The following TGFBR3 variants were observed in gnomAD, a reference collection of about 807,000 sequenced individuals.
TGFBR3 encodes transforming growth factor beta receptor 3.
A neutral mutation model predicts 87.9 loss-of-function variants in TGFBR3; 46 were observed. That is an observed-to-expected ratio of 0.52 (90% CI 0.41 to 0.67). TGFBR3 has a LOEUF of 0.67. TGFBR3 is among the 30% of genes least tolerant of loss of function. The pLI is 0.00. For synonymous variants in TGFBR3, 381 were observed against 391.6 expected (o/e 0.97, Z 0.32); for missense variants, 866 against 1,041.9 (o/e 0.83, Z 2.32).
intron 3 of TGFBR3, among the ~76,000 whole-genome samples, chr1:91,785,828 C>T (rs974652813): frequency 4.0e-5 from 6 of 149,932 alleles, no homozygotes; most frequent in Non-Finnish European, 3.0e-5. Flanking sequence ...AGTGCAGTGG[C>T]GCGATCGTGG....
chr1:91,751,570 C>A (rs1046499594), intron 4 of TGFBR3, among the ~76,000 whole-genome samples: 1 of 151,910 alleles, frequency 6.6e-6, no homozygotes, highest in African/African-American at 2.4e-5. Flanking sequence ...AACTCCAGTG[C>A]AGACCAGAGA....
rs190136937 is a variant in TGFBR3 at position 91,698,964 on chromosome 1, T to C, written c.2288-834A>G. ...CCACCACTACCCTCCCCCCAATTAT[T>C]TCCTCCTCCACATTTGCCCCCAGAG... On this transcript the variant is annotated intron_variant, in intron 14 of 16. Transcript: ENST00000212355. Among the ~76,000 whole-genome samples the C allele has an allele frequency of 4.4e-3, 655 of 149,674 alleles. 4 individuals are homozygous for C. The highest frequency in any genetic ancestry group is 0.016 in the South Asian group (73 of 4,564).
At chr1:91,774,427 C>T (rs890463551) in intron 3 of TGFBR3, among the ~76,000 whole-genome samples, 2 of 152,190 alleles carry the variant, frequency 1.3e-5, no homozygotes, top group Middle Eastern at 3.4e-3. Flanking sequence ...TAAGCCACTG[C>T]GCCCGGCCTA....
intron 4 of TGFBR3, among the ~76,000 whole-genome samples, chr1:91,737,718 C>T (rs189431454): frequency 2.6e-5 from 4 of 152,268 alleles, no homozygotes; most frequent in East Asian, 3.9e-4. Flanking sequence ...CACATGTTTG[C>T]TTTTTCAGGG....
intron 4 of TGFBR3, among the ~76,000 whole-genome samples, chr1:91,752,596 G>C (rs1673585781): frequency 6.6e-6 from 1 of 152,118 alleles, no homozygotes; most frequent in South Asian, 2.1e-4. Flanking sequence ...TCTGGACTAG[G>C]TATTTTAGGT....
At position 91,712,546 on chromosome 1, in the gene TGFBR3, T is replaced by C. The variant is rs369397406; in HGVS notation, c.1867-4A>G. On this transcript the variant is annotated splice_region_variant and splice_polypyrimidine_tract_variant and intron_variant, in intron 12 of 16. Coordinates refer to ENST00000212355, the MANE Select transcript of TGFBR3 (RefSeq NM_003243.5). ...GTTCAGCCTTAGTAACAGATACCTA[T>C]GAAAGAACAGAAAGATGAATTAGGA... 100 of 1,613,922 alleles carry C rather than the reference T, an allele frequency of 6.2e-5. 1 individual carries two copies. Among genetic ancestry groups the C allele is most frequent in the East Asian group, 4.5e-5 (2 of 44,866 alleles).
At chr1:91,891,152 G>A (rs1217393651) in intron 2 of TGFBR3, among the ~76,000 whole-genome samples, 1 of 151,040 alleles carries the variant, frequency 6.6e-6, no homozygotes, top group Non-Finnish European at 1.5e-5. Context: ...GCCTCCCAAA[G>A]TGCTGGGATT....
At chr1:91,830,927 A>C (rs1676839855) in intron 2 of TGFBR3, among the ~76,000 whole-genome samples, 1 of 152,040 alleles carries the variant, frequency 6.6e-6, no homozygotes, top group African/African-American at 2.4e-5. Flanking sequence ...AACGGCTCTC[A>C]CCACCCCCAT....
intron 4 of TGFBR3, among the ~76,000 whole-genome samples, chr1:91,738,578 T>G (rs1673044082): frequency 6.6e-6 from 1 of 152,192 alleles, no homozygotes; most frequent in African/African-American, 2.4e-5. Context: ...TTCATCTTCC[T>G]CCATAAGTAA....
chr1:91,781,714 T>TA (rs147780379), intron 3 of TGFBR3, among the ~76,000 whole-genome samples: 1,695 of 149,312 alleles, frequency 0.011, 27 homozygotes, highest in African/African-American at 0.035. Flanking sequence ...AAAACACATT[T>TA]AAAAAAAAAA....
chr1:91,691,815 C>T (rs1671275019), intron 16 of TGFBR3, among the ~76,000 whole-genome samples: 1 of 152,088 alleles, frequency 6.6e-6, no homozygotes, highest in Non-Finnish European at 1.5e-5. Context: ...CCATATGTCT[C>T]AATGTATTAA....
rs1679479096 is a variant in TGFBR3 at position 91,892,900 on chromosome 1, C to G, written c.-114+6737G>C. Among the ~76,000 whole-genome samples the G allele has an allele frequency of 2.0e-5, 3 of 152,288 alleles. No homozygotes were observed. In the South Asian group the frequency reaches 6.2e-4, roughly 32 times the overall value. On this transcript the variant is annotated intron_variant, in intron 2 of 17. Transcript: ENST00000370399. ...AGTTCACAATACTTGCAAATATTAACCAAGGTAGCTTCAGGGAAATGCTTT... is the reference window on the plus strand; with the variant it reads ...AGTTCACAATACTTGCAAATATTAAGCAAGGTAGCTTCAGGGAAATGCTTT...
intron 2 of TGFBR3, among the ~76,000 whole-genome samples, chr1:91,846,540 T>C (rs1677505984): frequency 6.6e-6 from 1 of 152,146 alleles, no homozygotes; most frequent in Non-Finnish European, 1.5e-5. Context: ...ACTCTCAAAT[T>C]ATATAACTAT....
intron 14 of TGFBR3, among the ~76,000 whole-genome samples, chr1:91,700,634 T>G (rs1671586382): frequency 6.6e-6 from 1 of 152,162 alleles, no homozygotes; most frequent in African/African-American, 2.4e-5. Context: ...TAAAAATGAT[T>G]GTATGTTTTT....
At chr1:91,784,717 G>T (rs903014834) in intron 3 of TGFBR3, among the ~76,000 whole-genome samples, 1 of 152,146 alleles carries the variant, frequency 6.6e-6, no homozygotes, top group Non-Finnish European at 1.5e-5. Flanking sequence ...TGGGGCAAGG[G>T]GTTTAGCTGG....
intron 12 of TGFBR3, among the ~76,000 whole-genome samples, chr1:91,713,669 G>A (rs1282649477): frequency 6.6e-6 from 1 of 152,174 alleles, no homozygotes; most frequent in Admixed American, 6.5e-5. Flanking sequence ...TTCCTACGTG[G>A]TGGTTAACTG....
chr1:91,739,412 T>G (rs141732951), intron 4 of TGFBR3, among the ~76,000 whole-genome samples: 106 of 152,346 alleles, frequency 7.0e-4, no homozygotes, highest in Admixed American at 1.4e-3. Context: ...CTTATAGTTA[T>G]TCTTCAGACC....
intron 3 of TGFBR3, among the ~76,000 whole-genome samples, chr1:91,792,413 C>G (rs970345499): frequency 6.6e-6 from 1 of 152,168 alleles, no homozygotes; most frequent in African/African-American, 2.4e-5. Flanking sequence ...GGCACTGGCA[C>G]GCCCATTGCT....
At chr1:91,715,254 C>CAA (rs1672124226) in intron 12 of TGFBR3, among the ~76,000 whole-genome samples, 1 of 152,196 alleles carries the variant, frequency 6.6e-6, no homozygotes, top group South Asian at 2.1e-4. Flanking sequence ...TTCTAGAATC[C>CAA]ACTCTCTGAA....
Sources: gnomAD v4.1 joint callset for allele counts (sites outside exome capture counted in the v4.1 genomes callset) on GRCh38, gnomAD v4.1.1 for gene constraint, MANE v1.5 for transcripts, NCBI Gene and HGNC (gene_info 2026-07-23, HGNC 2026-07-21) for gene names.